GRID2: variants seen among roughly 807,000 people sequenced by gnomAD.
GRID2 encodes glutamate ionotropic receptor delta type subunit 2, also known as glutamate receptor ionotropic, delta-2.
A neutral mutation model predicts 114.8 loss-of-function variants in GRID2; 33 were observed. The ratio of observed to expected loss-of-function variants is 0.29; its 90% CI spans 0.22 to 0.38. The LOEUF is 0.38. Ranked by LOEUF, GRID2 falls within the 10% of genes least tolerant of loss-of-function variation. The pLI is 1.00. For synonymous variants in GRID2, 505 were observed against 449.9 expected, an observed-to-expected ratio of 1.12 and a Z score of -1.55; for missense variants, 1,184 against 1,257.7, an observed-to-expected ratio of 0.94 and a Z score of 0.89.
chr4:92,576,604 C>T (rs1188397909), intron 1 of GRID2, among the ~76,000 whole-genome samples: 2 of 152,144 alleles, frequency 1.3e-5, no homozygotes, highest in African/African-American at 4.8e-5. Context: ...ATGTAAAGCT[C>T]CTGGATCTCT....
rs1321881271 is a variant in GRID2 at position 93,270,219 on chromosome 4, C to T, written c.1245+31729C>T. 1.5e-3 allele frequency among the ~76,000 whole-genome samples: 86 copies of T among 55,702 alleles called. No individual in the cohort carries two copies. The African/African-American group carries it at 0.033, about 22-fold the overall frequency. The allele number at this position is 55,702 out of a possible 152,430, so 36.5% of individuals were successfully genotyped here. On this transcript the variant is annotated intron_variant, in intron 8 of 15. Coordinates refer to ENST00000282020, the MANE Select transcript of GRID2 (RefSeq NM_001510.4). ...TCTCTCTCTCTCACACACACATACA[C>T]ACACACACACACACACACACACACA...
chr4:92,725,945 A>T (rs1044069092), intron 2 of GRID2, among the ~76,000 whole-genome samples: 2 of 152,170 alleles, frequency 1.3e-5, no homozygotes, highest in Non-Finnish European at 2.9e-5. Flanking sequence ...AAATTGTAAG[A>T]AAACTGAGAG....
intron 2 of GRID2, among the ~76,000 whole-genome samples, chr4:92,887,453 A>C (rs1746451605): frequency 1.3e-5 from 2 of 152,212 alleles, no homozygotes; most frequent in Admixed American, 1.3e-4. Flanking sequence ...TTCTGGCCCC[A>C]GTACTTATGT....
intron 2 of GRID2, among the ~76,000 whole-genome samples, chr4:92,681,757 TTAAG>T (rs1250662133): frequency 3.3e-5 from 5 of 152,058 alleles, no homozygotes; most frequent in African/African-American, 1.2e-4. Flanking sequence ...TTTCTAAAAA[TTAAG>T]TAACAGAAAA....
chr4:93,159,572 G>C (rs1256359557), intron 4 of GRID2, among the ~76,000 whole-genome samples: 1 of 151,606 alleles, frequency 6.6e-6, no homozygotes, highest in Admixed American at 6.6e-5. Flanking sequence ...GTAAAAGAAA[G>C]ATTACTAATA....
chr4:93,227,082 G>A (rs997345400), intron 7 of GRID2, among the ~76,000 whole-genome samples: 1 of 152,190 alleles, frequency 6.6e-6, no homozygotes, highest in Non-Finnish European at 1.5e-5. Flanking sequence ...CCTTCCGAGA[G>A]ACTGTGAGGG....
chr4:93,302,829 A>G (rs964433364), intron 8 of GRID2, among the ~76,000 whole-genome samples: 1 of 152,214 alleles, frequency 6.6e-6, no homozygotes, highest in Non-Finnish European at 1.5e-5. Context: ...TTCTACATGA[A>G]TATTTCCATG....
chr4:93,628,613 C>T (rs1742946702), intron 14 of GRID2, among the ~76,000 whole-genome samples: 2 of 152,018 alleles, frequency 1.3e-5, no homozygotes, highest in Non-Finnish European at 2.9e-5. Context: ...AAAAGGGATC[C>T]AGGGTTTCAT....
At chr4:92,675,075 T>G (rs1733278819) in intron 2 of GRID2, among the ~76,000 whole-genome samples, 3 of 152,172 alleles carry the variant, frequency 2.0e-5, no homozygotes, top group Non-Finnish European at 2.9e-5. Flanking sequence ...AATGGTTGGA[T>G]TTTGTTCTGA....
chr4:93,243,989 T>A (rs1747842958), intron 8 of GRID2, among the ~76,000 whole-genome samples: 1 of 151,928 alleles, frequency 6.6e-6, no homozygotes, highest in African/African-American at 2.4e-5. Flanking sequence ...AAAAAAAAAA[T>A]TAATTTGAGC....
At chr4:93,463,920 T>A (rs9307126) in intron 11 of GRID2, among the ~76,000 whole-genome samples, 127 of 151,514 alleles carry the variant, frequency 8.4e-4, no homozygotes, top group African/African-American at 2.8e-3. Context: ...ACCTGGGAGG[T>A]GGAGCTTGCA....
chr4:92,395,563 A>T (rs1730454021), intron 1 of GRID2, among the ~76,000 whole-genome samples: 1 of 151,722 alleles, frequency 6.6e-6, no homozygotes, highest in Admixed American at 6.6e-5. Flanking sequence ...AGGAATTCTA[A>T]CTTAAAAATT....
chr4:93,491,845 G>T (rs1019986326), intron 12 of GRID2, among the ~76,000 whole-genome samples: 1 of 151,666 alleles, frequency 6.6e-6, no homozygotes, highest in East Asian at 1.9e-4. Flanking sequence ...AATAAATAGG[G>T]TATTATTTTC....
At chr4:93,790,114 C>A (rs1408239792) in intron 1 of GRID2, among the ~76,000 whole-genome samples, 1 of 150,344 alleles carries the variant, frequency 6.7e-6, no homozygotes, top group Non-Finnish European at 1.5e-5. Flanking sequence ...CACCCCCACC[C>A]CACCCCTACC....
chr4:93,578,935 T>A (rs1350873700), intron 13 of GRID2, among the ~76,000 whole-genome samples: 1 of 152,168 alleles, frequency 6.6e-6, no homozygotes, highest in East Asian at 1.9e-4. Context: ...CATAATAGTT[T>A]TTCCTATAAT....
chr4:93,413,127 G>A (rs1204537290), intron 9 of GRID2, among the ~76,000 whole-genome samples: 2 of 152,080 alleles, frequency 1.3e-5, no homozygotes, highest in Non-Finnish European at 2.9e-5. Context: ...TGAGATTGCT[G>A]GGTCAAATGG....
intron 2 of GRID2, among the ~76,000 whole-genome samples, chr4:92,923,917 A>G (rs1174094602): frequency 6.6e-6 from 1 of 152,352 alleles, no homozygotes; most frequent in Non-Finnish European, 1.5e-5. Flanking sequence ...CCAAAGGATT[A>G]TAAATCATGC....
At chr4:92,556,432 G>A (rs938913948) in intron 1 of GRID2, among the ~76,000 whole-genome samples, 2 of 151,978 alleles carry the variant, frequency 1.3e-5, no homozygotes, top group East Asian at 1.9e-4. Context: ...GATGAAAGGC[G>A]ATTTAAGCTA....
chr4:92,490,326 T>C (rs1366445115), intron 1 of GRID2, among the ~76,000 whole-genome samples: 4 of 152,192 alleles, frequency 2.6e-5, no homozygotes, highest in Admixed American at 6.5e-5. Flanking sequence ...AAATTATAGG[T>C]ATCTTTATTG....
Sources: gnomAD v4.1 joint callset for allele counts (sites outside exome capture counted in the v4.1 genomes callset) on GRCh38, gnomAD v4.1.1 for gene constraint, MANE v1.5 for transcripts, NCBI Gene and HGNC (gene_info 2026-07-23, HGNC 2026-07-21) for gene names.